Variants in CCDC7 observed in about 807,000 individuals in gnomAD.
CCDC7 encodes the protein coiled-coil domain-containing protein 7.
CCDC7 carries 183 observed loss-of-function variants against 196.9 expected under a neutral mutation model. The observed-to-expected ratio is 0.93, with a 90% CI of 0.82 to 1.05. The LOEUF is 1.05. Among genes scored for constraint, CCDC7 ranks in the 50% least tolerant of loss-of-function variants. The probability of loss-of-function intolerance (pLI) is 0.00; values close to 1 mark genes in which losing one functional copy is unlikely to be tolerated. For synonymous variants in CCDC7, 525 were observed against 484.6 expected, an observed-to-expected ratio of 1.08 and a Z score of -1.10; for missense variants, 1,540 against 1,482.2, an observed-to-expected ratio of 1.04 and a Z score of -0.64.
At chr10:32,860,414 C>T (rs1195620952) in intron 41 of CCDC7, among the ~76,000 whole-genome samples, 2 of 152,114 alleles carry the variant, frequency 1.3e-5, no homozygotes, top group South Asian at 2.1e-4. Flanking sequence ...GAATGTATGT[C>T]AAAATAATAA....
intron 23 of CCDC7, among the ~76,000 whole-genome samples, chr10:32,693,801 TC>T (rs1045100109): frequency 2.6e-5 from 4 of 152,114 alleles, no homozygotes; most frequent in African/African-American, 9.7e-5. Flanking sequence ...GTCTAAATGG[TC>T]CCTGTCTGAG....
At chr10:32,768,744 A>C (rs954030924) in intron 28 of CCDC7, among the ~76,000 whole-genome samples, 5 of 152,146 alleles carry the variant, frequency 3.3e-5, no homozygotes, top group Admixed American at 3.3e-4. Flanking sequence ...GAACTTTATC[A>C]AATGCCATTT....
At chr10:32,606,284 C>T (rs565604952) in intron 18 of CCDC7, among the ~76,000 whole-genome samples, 2 of 152,282 alleles carry the variant, frequency 1.3e-5, no homozygotes, top group African/African-American at 2.4e-5. Context: ...TCTTGGGTGC[C>T]GAGGCAGAAT....
rs141779163 is a variant in CCDC7, at chr10:32,596,323, T to C, written c.1801+12019T>C. On this transcript the variant is annotated intron_variant, in intron 18 of 41. Transcript: ENST00000639629. ...TTGTCTCTTTTTATCTTTGTTGGTT[T>C]AAAGTCTGTTTTGTCAGATACTAGG... Among the ~76,000 whole-genome samples the C allele has an allele frequency of 6.4e-3, 979 of 152,322 alleles. 8 individuals are homozygous for C. The highest frequency in any genetic ancestry group is 0.022 in the African/African-American group (933 of 41,562).
intron 13 of CCDC7, among the ~76,000 whole-genome samples, chr10:32,548,647 G>C: frequency 6.6e-6 from 1 of 152,194 alleles, no homozygotes; most frequent in East Asian, 1.9e-4. Context: ...ATATCCTACA[G>C]TGAGAACATC....
In CCDC7 at chr10:32,451,672, C is replaced by G. The variant is rs1242286019; in HGVS notation, c.30C>G (p.Thr10=). The G allele has an allele frequency of 4.3e-6, 7 of 1,610,616 alleles. 1 individual carries two copies. Among genetic ancestry groups the G allele is most frequent in the African/African-American group, 1.3e-5 (1 of 74,726 alleles). ...AACCAGTAAAGCATCTGTTGACCAC[C>G]AGTAACAAATCGGCAAATGTTCCAG... is the stretch of plus-strand genomic sequence containing the variant. The change falls in exon 1 of 42, where the codon ACC becomes ACG. Residue 10 remains threonine, a synonymous_variant. Coordinates refer to ENST00000639629, the Ensembl canonical transcript of CCDC7.
intron 20 of CCDC7, among the ~76,000 whole-genome samples, chr10:32,647,667 T>G (rs2140077644): frequency 6.6e-6 from 1 of 152,270 alleles, no homozygotes; most frequent in African/African-American, 2.4e-5. Flanking sequence ...CTGTTGCCCA[T>G]TTTCAATGGA....
At chr10:32,471,521 T>C (rs2037942848) in intron 6 of CCDC7, among the ~76,000 whole-genome samples, 1 of 152,312 alleles carries the variant, frequency 6.6e-6, no homozygotes, top group East Asian at 1.9e-4. Flanking sequence ...TAGAAAGTTA[T>C]ATTGGACATT....
intron 11 of CCDC7, among the ~76,000 whole-genome samples, chr10:32,529,889 T>G (rs11524329): frequency 0.34 from 52,291 of 152,194 alleles, 11,453 homozygotes; most frequent in Non-Finnish European, 0.5. Context: ...TCTTCTAGAA[T>G]CTTTACGGTT....
intron 31 of CCDC7, among the ~76,000 whole-genome samples, chr10:32,819,109 G>A (rs1027268614): frequency 7.9e-5 from 12 of 151,850 alleles, no homozygotes; most frequent in Admixed American, 6.6e-4. Context: ...TCAAATAGAC[G>A]CAATAAAAAA....
At chr10:32,470,952 T>A in intron 5 of CCDC7, 112 bp from the exon 7 acceptor site, 1 of 1,054,316 alleles carries the variant, frequency 9.5e-7, no homozygotes, top group Non-Finnish European at 1.3e-6. Context: ...TAGCTATAGA[T>A]AAGAAAAATA....
intron 11 of CCDC7, among the ~76,000 whole-genome samples, chr10:32,524,553 A>G (rs1259937082): frequency 6.6e-6 from 1 of 152,144 alleles, no homozygotes; most frequent in African/African-American, 2.4e-5. Context: ...AGCATCTCTT[A>G]TGGGACAGGT....
intron 20 of CCDC7, among the ~76,000 whole-genome samples, chr10:32,663,299 C>T (rs972960537): frequency 2.0e-5 from 3 of 152,072 alleles, no homozygotes; most frequent in Non-Finnish European, 4.4e-5. Flanking sequence ...ATGAATAAAA[C>T]ATGAAAACAT....
chr10:32,841,395 C>T (rs1273336042), intron 33 of CCDC7, among the ~76,000 whole-genome samples: 4 of 151,772 alleles, frequency 2.6e-5, no homozygotes, highest in Non-Finnish European at 5.9e-5. Context: ...CAACTCCTTT[C>T]ACAATAGCTG....
chr10:32,554,708 A>G (rs1292478713), intron 13 of CCDC7, among the ~76,000 whole-genome samples: 5 of 152,116 alleles, frequency 3.3e-5, no homozygotes. Flanking sequence ...CTTCCTTCAG[A>G]GGGTCTGTGG....
At chr10:32,691,291 C>T (rs1288567343) in intron 23 of CCDC7, among the ~76,000 whole-genome samples, 1 of 151,956 alleles carries the variant, frequency 6.6e-6, no homozygotes, top group Non-Finnish European at 1.5e-5. Flanking sequence ...GTGTTGGTAC[C>T]CATGGCCCAC....
chr10:32,462,558 A>C (rs2035958781), intron 3 of CCDC7, 125 bp from the exon 5 acceptor site: 1 of 740,592 alleles, frequency 1.4e-6, no homozygotes, highest in African/African-American at 1.9e-5. Flanking sequence ...CAGATTTATA[A>C]AGTTATATTT....
At chr10:32,855,797 T>C (rs369747360) in intron 41 of CCDC7, among the ~76,000 whole-genome samples, 62 of 152,078 alleles carry the variant, frequency 4.1e-4, no homozygotes, top group African/African-American at 1.4e-3. Flanking sequence ...AAGAACAAAA[T>C]TGAAAGACTT....
intron 9 of CCDC7, among the ~76,000 whole-genome samples, chr10:32,509,326 A>C (rs975460838): frequency 3.3e-5 from 5 of 152,148 alleles, no homozygotes; most frequent in African/African-American, 1.2e-4. Context: ...TCTCCAACAA[A>C]TGATACTGGG....
Sources: gnomAD v4.1 joint callset for allele counts (sites outside exome capture counted in the v4.1 genomes callset) on GRCh38, gnomAD v4.1.1 for gene constraint, MANE v1.5 for transcripts, NCBI Gene and HGNC (gene_info 2026-07-23, HGNC 2026-07-21) for gene names.